The following NAALADL2 variants were observed in gnomAD, a reference collection of about 807,000 sequenced individuals.
NAALADL2 encodes N-acetylated alpha-linked acidic dipeptidase like 2.
Under a neutral mutation model 87.2 loss-of-function variants are expected in NAALADL2, and 76 were observed. The observed-to-expected ratio is 0.87, with a 90% CI of 0.72 to 1.05. The LOEUF (loss-of-function observed/expected upper bound fraction) is 1.05. NAALADL2 is among the 50% of genes least tolerant of loss of function. The probability of loss-of-function intolerance (pLI) is 0.00; values close to 1 mark genes in which losing one functional copy is unlikely to be tolerated. For synonymous variants in NAALADL2, 354 were observed against 331.0 expected, an observed-to-expected ratio of 1.07 and a Z score of -0.75; for missense variants, 1,089 against 945.8, an observed-to-expected ratio of 1.15 and a Z score of -1.99.
At chr3:174,614,669 A>G (rs900844907) in intron 2 of NAALADL2, among the ~76,000 whole-genome samples, 7 of 152,112 alleles carry the variant, frequency 4.6e-5, no homozygotes, top group African/African-American at 1.7e-4. Context: ...TTGAGCGCTC[A>G]TCTGATTTTT....
At chr3:175,052,367 T>C (rs1448984646) in intron 1 of NAALADL2, among the ~76,000 whole-genome samples, 1 of 152,232 alleles carries the variant, frequency 6.6e-6, no homozygotes, top group Non-Finnish European at 1.5e-5. Flanking sequence ...GGCCAGTTTA[T>C]GGCCAGATTT....
At chr3:175,048,644 G>A (rs1029842608) in intron 1 of NAALADL2, among the ~76,000 whole-genome samples, 1 of 151,738 alleles carries the variant, frequency 6.6e-6, no homozygotes, top group Non-Finnish European at 1.5e-5. Flanking sequence ...TTATAGGATT[G>A]AATTTTATGA....
intron 13 of NAALADL2, among the ~76,000 whole-genome samples, chr3:175,772,821 AACTTCTGTGACATTTTAGTGTT>A (rs1401343749): frequency 3.9e-5 from 6 of 152,244 alleles, no homozygotes; most frequent in Admixed American, 6.5e-5. Context: ...GTTGTAACCT[AACTTCTGTGACATTTTAGTGTT>A]ACTTCTGTGA....
intron 6 of NAALADL2, among the ~76,000 whole-genome samples, chr3:175,460,820 G>T (rs750337249): frequency 6.6e-6 from 1 of 152,146 alleles, no homozygotes; most frequent in Non-Finnish European, 1.5e-5. Context: ...TTCCCAAAGA[G>T]GCAGGGTGTT....
intron 11 of NAALADL2, among the ~76,000 whole-genome samples, chr3:175,667,241 A>AAAAGAAAGAAAGAAAGAAAG (rs1553945220): frequency 5.4e-5 from 5 of 91,780 alleles, no homozygotes; most frequent in South Asian, 3.7e-4. Flanking sequence ...GAAAGAAAGA[A>AAAAGAAAGAAAGAAAGAAAG]AAAGAAAGAA....
chr3:174,556,013 G>GCA (rs1712771169), intron 2 of NAALADL2, among the ~76,000 whole-genome samples: 2 of 117,134 alleles, frequency 1.7e-5, no homozygotes, highest in African/African-American at 3.7e-5. Context: ...GTGTGTGCGC[G>GCA]CACGTGAGTG....
At chr3:175,146,420 G>C (rs914727310) in intron 2 of NAALADL2, among the ~76,000 whole-genome samples, 4 of 152,100 alleles carry the variant, frequency 2.6e-5, no homozygotes, top group African/African-American at 9.7e-5. Context: ...GAGTTTTACA[G>C]CCTGAGTTTT....
rs759369133 is a variant in NAALADL2, at chr3:175,491,825, G to A, written c.1653+20067G>A. Among the ~76,000 whole-genome samples the A allele has an allele frequency of 2.3e-4, 35 of 152,216 alleles. 1 individual carries two copies. The highest frequency in any genetic ancestry group is 8.3e-4 in the South Asian group (4 of 4,824). On this transcript the variant is annotated intron_variant, in intron 9 of 13. Coordinates refer to ENST00000454872, the MANE Select transcript of NAALADL2 (RefSeq NM_207015.3). ...GGCATACACCAACATTTATAGCAAT[G>A]ATACAAATGTTATCAGTTTTTGTGT... is the stretch of plus-strand genomic sequence containing the variant.
chr3:175,459,589 T>C (rs1308746524), intron 6 of NAALADL2, among the ~76,000 whole-genome samples: 1 of 152,060 alleles, frequency 6.6e-6, no homozygotes, highest in Non-Finnish European at 1.5e-5. Flanking sequence ...ATATATTTTA[T>C]AGTTAAATTC....
At chr3:175,348,047 T>G (rs529518333) in intron 5 of NAALADL2, among the ~76,000 whole-genome samples, 1 of 152,012 alleles carries the variant, frequency 6.6e-6, no homozygotes, top group South Asian at 2.1e-4. Flanking sequence ...AAAGGTTAGG[T>G]TTCTTTTGTT....
intron 3 of NAALADL2, among the ~76,000 whole-genome samples, chr3:175,255,856 C>T (rs1309117451): frequency 6.6e-6 from 1 of 152,054 alleles, no homozygotes; most frequent in East Asian, 1.9e-4. Flanking sequence ...TGCTAGACTG[C>T]CACATGTGGT....
chr3:174,545,661 G>A (rs1722666798), intron 1 of NAALADL2, among the ~76,000 whole-genome samples: 2 of 151,394 alleles, frequency 1.3e-5, no homozygotes, highest in South Asian at 2.1e-4. Context: ...TATTTTTTTT[G>A]TTTTATTTTT....
chr3:175,303,189 C>T (rs887136195), intron 4 of NAALADL2, among the ~76,000 whole-genome samples: 1 of 152,028 alleles, frequency 6.6e-6, no homozygotes, highest in Non-Finnish European at 1.5e-5. Flanking sequence ...ATTGATTAGA[C>T]AAGTTACTTA....
At chr3:174,528,392 G>C (rs1720955695) in intron 1 of NAALADL2, among the ~76,000 whole-genome samples, 1 of 152,140 alleles carries the variant, frequency 6.6e-6, no homozygotes, top group African/African-American at 2.4e-5. Flanking sequence ...CACTTTGAGA[G>C]GCCAAGGCAT....
At chr3:175,119,974 G>A (rs1333326914) in intron 2 of NAALADL2, among the ~76,000 whole-genome samples, 1 of 150,520 alleles carries the variant, frequency 6.6e-6, no homozygotes, top group Admixed American at 6.7e-5. Context: ...GGGAAAGGCC[G>A]GTGTTGTAAT....
At chr3:175,043,231 G>A (rs1412170755) in intron 1 of NAALADL2, among the ~76,000 whole-genome samples, 2 of 151,908 alleles carry the variant, frequency 1.3e-5, no homozygotes, top group African/African-American at 4.8e-5. Flanking sequence ...TTGCCATTGA[G>A]CTATATTATT....
chr3:174,700,378 C>T (rs1190363421), intron 2 of NAALADL2, among the ~76,000 whole-genome samples: 5 of 152,030 alleles, frequency 3.3e-5, no homozygotes, highest in Non-Finnish European at 7.4e-5. Context: ...ATATTGACAT[C>T]TACTCATTGT....
At chr3:175,325,161 T>C (rs57790006) in intron 5 of NAALADL2, among the ~76,000 whole-genome samples, 21 of 152,204 alleles carry the variant, frequency 1.4e-4, no homozygotes, top group African/African-American at 3.9e-4. Flanking sequence ...TGTTTTTTTT[T>C]CCCCAAAAAA....
At chr3:175,173,785 C>A (rs145939536) in intron 2 of NAALADL2, among the ~76,000 whole-genome samples, 2 of 152,316 alleles carry the variant, frequency 1.3e-5, no homozygotes, top group Non-Finnish European at 2.9e-5. Flanking sequence ...ATCTTTCTGT[C>A]TTCCATGCTC....
Sources: allele counts gnomAD v4.1 joint callset (sites outside exome capture counted in the v4.1 genomes callset), GRCh38; gene constraint gnomAD v4.1.1; transcripts MANE v1.5; gene names NCBI Gene and HGNC (gene_info 2026-07-23, HGNC 2026-07-21).